The following MYLK3 variants were observed in gnomAD, a reference collection of about 807,000 sequenced individuals.
MYLK3 encodes MLC kinase.
Under a neutral mutation model 76.3 loss-of-function variants are expected in MYLK3, and 55 were observed. The observed-to-expected ratio is 0.72, with a 90% CI of 0.58 to 0.90. MYLK3 has a LOEUF of 0.90. MYLK3 is among the 40% of genes least tolerant of loss of function. The pLI is 0.00. For missense variants in MYLK3, 973 were observed against 1,053.6 expected (o/e 0.92, Z 1.06); for synonymous variants, 416 against 425.4 (o/e 0.98, Z 0.27).
chr16:46,740,037 G>T lies in MYLK3; in HGVS notation c.568+20C>A, dbSNP rs780649307. The T allele has an allele frequency of 6.3e-7, 1 of 1,589,680 alleles. No homozygotes were observed. ...TGTTGTGTCTGCAATGTTAGATAAA[G>T]CAAATGGGGTCCCACTCACCTTCCC... On this transcript the variant is annotated intron_variant, in intron 2 of 12. Coordinates refer to ENST00000394809, the MANE Select transcript of MYLK3 (RefSeq NM_182493.3).
At chr16:46,721,043 G>T in intron 9 of MYLK3, 80 bp downstream of exon 9, 1 of 1,240,550 alleles carries the variant, frequency 8.1e-7, no homozygotes, top group Non-Finnish European at 1.2e-6. Flanking sequence ...AGCATTAGCT[G>T]GGTCAGGAGT....
Position 46,732,233 on chromosome 16 carries a change from G to A in MYLK3, c.1437C>T (p.Gly479=), listed in dbSNP as rs376686041. 45 of 1,592,226 alleles carry A rather than the reference G, an allele frequency of 2.8e-5. No individual in the cohort carries two copies. Among genetic ancestry groups the A allele is most frequent in the Admixed American group, 3.4e-5 (2 of 59,522 alleles). ...CCAGAACCACGCTGCCAGCCTCGGC[G>A]CCTGGGGGCATCCTCCTTACTGCTT... ...RAEAVRRMPP[G]AEAGSVVLDD... Residue 479 remains glycine (G), a synonymous_variant, in exon 4 of 13, where the codon GGC becomes GGT. Coordinates refer to ENST00000394809, the MANE Select transcript of MYLK3 (RefSeq NM_182493.3).
rs1967221313 is a variant in MYLK3 at position 46,757,908 on chromosome 16, C to G, written c.-114+5132G>C. ...GGGGCCCTGGGGATGTGCAGGGACTCCTTGCATTCAGGGAGCCCTGAGGAC... is the reference window on the plus strand; with the variant it reads ...GGGGCCCTGGGGATGTGCAGGGACTGCTTGCATTCAGGGAGCCCTGAGGAC... On this transcript the variant is annotated intron_variant, in intron 1 of 11. Coordinates refer to the MYLK3 transcript ENST00000536476. Among the ~76,000 whole-genome samples, 4 of 152,288 alleles carry G rather than the reference C, an allele frequency of 2.6e-5. No individual in the cohort carries two copies. In the South Asian group the frequency reaches 8.3e-4, roughly 32 times the overall value.
At chr16:46,733,374 A>C (rs1303116000) in intron 3 of MYLK3, among the ~76,000 whole-genome samples, 1 of 152,154 alleles carries the variant, frequency 6.6e-6, no homozygotes, top group African/African-American at 2.4e-5. Flanking sequence ...AAAATAAAAT[A>C]AAATCAGGCA....
At chr16:46,719,067 T>A (rs1966773600) in intron 9 of MYLK3, among the ~76,000 whole-genome samples, 1 of 151,150 alleles carries the variant, frequency 6.6e-6, no homozygotes, top group African/African-American at 2.4e-5. Flanking sequence ...TGGTGGCTCA[T>A]ACCTATAATC....
chr16:46,729,561 G>A, intron 6 of MYLK3, 33 bp downstream of exon 6: 1 of 1,596,526 alleles, frequency 6.3e-7, no homozygotes, highest in South Asian at 1.1e-5. Context: ...CCTGAGGCTG[G>A]CCACAGGGAC....
chr16:46,735,337 C>G (rs1340877529), intron 3 of MYLK3, among the ~76,000 whole-genome samples: 1 of 152,114 alleles, frequency 6.6e-6, no homozygotes, highest in Non-Finnish European at 1.5e-5. Context: ...TCCTGAGTAG[C>G]TGGGATTACA....
intron 1 of MYLK3, among the ~76,000 whole-genome samples, chr16:46,745,491 C>T (rs1967006109): frequency 6.6e-6 from 1 of 152,182 alleles, no homozygotes; most frequent in Non-Finnish European, 1.5e-5. Context: ...CACCTGTAAT[C>T]CCAGCACTTT....
chr16:46,729,829 A>T, intron 5 of MYLK3, 142 bp from the exon 6 acceptor site: 1 of 695,226 alleles, frequency 1.4e-6, no homozygotes, highest in Admixed American at 2.5e-5. Flanking sequence ...ATCACCCCAA[A>T]ACCCTGCTGG....
At chr16:46,745,170 G>A (rs902246343) in intron 1 of MYLK3, among the ~76,000 whole-genome samples, 1 of 152,142 alleles carries the variant, frequency 6.6e-6, no homozygotes, top group African/African-American at 2.4e-5. Flanking sequence ...CATTTGGCTT[G>A]GTATTTCCAC....
intron 9 of MYLK3, among the ~76,000 whole-genome samples, chr16:46,717,720 C>T (rs1264217847): frequency 6.6e-6 from 1 of 152,126 alleles, no homozygotes; most frequent in Non-Finnish European, 1.5e-5. Flanking sequence ...ATTAGCAAAC[C>T]CTGGCAAAGA....
intron 8 of MYLK3, 69 bp from the exon 9 acceptor site, chr16:46,721,262 A>C: frequency 6.9e-7 from 1 of 1,446,376 alleles, no homozygotes; most frequent in Non-Finnish European, 9.7e-7. Context: ...ACACTTGTCT[A>C]TAGGCCTCTG....
chr16:46,755,905 T>TC (rs1967193287), intron 1 of MYLK3, among the ~76,000 whole-genome samples: 3 of 43,534 alleles, frequency 6.9e-5, no homozygotes, highest in Non-Finnish European at 1.3e-4. Flanking sequence ...CTTTTTTCTT[T>TC]CTTTTTTTTT....
Position 46,710,639 on chromosome 16 carries a change from CT to C in MYLK3, c.2264del (p.Lys755ArgfsTer5). 6.2e-7 allele frequency: 1 copy of C among 1,614,166 alleles called. No individual in the cohort carries two copies. ...DFVSRLLVKE[K>X]SCRMSATQCL... ...GAGTGACAAGCAATGAAAGGTACCTCTTCTCTTTGACCAGCAACCGGGAAAC... is the reference window on the plus strand; with the variant it reads ...GAGTGACAAGCAATGAAAGGTACCTCTCTCTTTGACCAGCAACCGGGAAAC... On this transcript the variant is annotated frameshift_variant, in exon 11 of 13. Coordinates refer to ENST00000394809, the MANE Select transcript of MYLK3 (RefSeq NM_182493.3). LOFTEE classifies it high-confidence loss of function.
chr16:46,729,225 T>C, intron 6 of MYLK3, 92 bp from the exon 7 acceptor site: 1 of 971,292 alleles, frequency 1.0e-6, no homozygotes, highest in South Asian at 1.3e-5. Context: ...GAACTCCTCA[T>C]TCTTCCTTAG....
rs1399952863 is a variant in MYLK3, at chr16:46,710,683, C to G, written c.2221G>C (p.Glu741Gln). Reference protein sequence around the residue: ...FDADTFEGLSEEAKDFVSRLL... With the variant: ...FDADTFEGLSQEAKDFVSRLL... Reference sequence around the variant, plus strand: ...CGGGAAACAAAGTCCTTGGCCTCCTCCGAGAGCCCTTCAAAGGTGTCAGCA... The same window carrying G: ...CGGGAAACAAAGTCCTTGGCCTCCTGCGAGAGCCCTTCAAAGGTGTCAGCA... The change falls in exon 11 of 13, where the codon GAG becomes CAG. Residue 741 changes from glutamate (E) to glutamine (Q), a missense_variant. By Grantham distance (29) the Glu-to-Gln change is conservative. Transcript: ENST00000394809. The G allele has an allele frequency of 1.2e-6, 2 of 1,614,058 alleles. No homozygotes were observed. Among genetic ancestry groups the G allele is most frequent in the Admixed American group, 1.7e-5 (1 of 60,006 alleles).
intron 9 of MYLK3, among the ~76,000 whole-genome samples, chr16:46,717,011 A>G (rs1966747248): frequency 6.6e-6 from 1 of 152,152 alleles, no homozygotes. Context: ...AAGTAAATGT[A>G]AGTAAGTATT....
At chr16:46,726,707 AAGAAAG>A (rs1966842336) in intron 8 of MYLK3, 2 of 149,870 alleles carry the variant, frequency 1.3e-5, no homozygotes, top group African/African-American at 2.5e-5. Flanking sequence ...GAAAGAAAGA[AAGAAAG>A]AAAGAAAGAA....
rs769194956 is a variant in MYLK3, at chr16:46,748,120, A to C, written c.74T>G (p.Met25Arg). The change falls in exon 1 of 13, where the codon ATG becomes AGG. Residue 25 changes from methionine to arginine, a missense_variant. Physicochemically the swap from Met to Arg is moderately conservative, Grantham distance 91. Transcript: ENST00000394809. This position sits in a 1 kb window ranked among gnomAD's most constrained non-coding sequence, Gnocchi z 4.3. ...GTTCAGCATGTTCAGCTTTGTGTCC[A>C]TGGTTGTTAAGCAGGTCTTGCCCAA... Reference protein sequence around the residue: ...PGLGKTCLTTMDTKLNMLNEK... With the variant: ...PGLGKTCLTTRDTKLNMLNEK... The C allele has an allele frequency of 6.2e-7, 1 of 1,614,174 alleles. No homozygotes were observed. The highest frequency in any genetic ancestry group is 2.2e-5 in the East Asian group (1 of 44,884).
Sources: gnomAD v4.1 joint callset for allele counts (sites outside exome capture counted in the v4.1 genomes callset) on GRCh38, gnomAD v4.1.1 for gene constraint, Gnocchi (gnomAD v3.1) non-coding constraint, MANE v1.5 for transcripts, NCBI Gene and HGNC (gene_info 2026-07-23, HGNC 2026-07-21) for gene names.